ADGRL3: variants seen among roughly 807,000 people sequenced by gnomAD.
ADGRL3 encodes the protein adhesion G protein-coupled receptor L3, also known as calcium-independent alpha-latrotoxin receptor 3.
ADGRL3 carries 62 observed loss-of-function variants against 153.5 expected under a neutral mutation model. That is an observed-to-expected ratio of 0.40 (90% CI 0.33 to 0.50). The LOEUF is 0.50. ADGRL3 is among the 20% of genes least tolerant of loss of function. The pLI is 0.47. For missense variants in ADGRL3, 1,641 were observed against 1,859.4 expected (o/e 0.88, Z 2.16); for synonymous variants, 710 against 672.5 (o/e 1.06, Z -0.86).
intron 5 of ADGRL3, among the ~76,000 whole-genome samples, chr4:61,655,477 G>A (rs1431705702): frequency 6.6e-6 from 1 of 152,012 alleles, no homozygotes; most frequent in Non-Finnish European, 1.5e-5. Flanking sequence ...TCAGTCATCA[G>A]TATTAACTAT....
chr4:61,938,678 C>G (rs1298767357), intron 15 of ADGRL3, among the ~76,000 whole-genome samples: 1 of 151,966 alleles, frequency 6.6e-6, no homozygotes, highest in Admixed American at 6.6e-5. Context: ...TTCTTTGTGT[C>G]ACTAGCTCCT....
At chr4:61,741,112 A>C (rs1471043135) in intron 8 of ADGRL3, among the ~76,000 whole-genome samples, 1 of 152,218 alleles carries the variant, frequency 6.6e-6, no homozygotes, top group East Asian at 1.9e-4. Context: ...ATGACAGCTG[A>C]GTAATGTGAG....
chr4:61,861,169 A>AG (rs1377982325), intron 9 of ADGRL3, among the ~76,000 whole-genome samples: 2 of 152,204 alleles, frequency 1.3e-5, no homozygotes, highest in East Asian at 3.9e-4. Context: ...AGCTGAGAGT[A>AG]GGGGTGTATA....
At chr4:61,484,696 C>T (rs1188929685) in intron 2 of ADGRL3, among the ~76,000 whole-genome samples, 1 of 152,040 alleles carries the variant, frequency 6.6e-6, no homozygotes, top group Non-Finnish European at 1.5e-5. Context: ...AAGTTATATG[C>T]ATTTTAAGTG....
chr4:61,945,919 G>A (rs900136721), intron 15 of ADGRL3, among the ~76,000 whole-genome samples: 2 of 152,172 alleles, frequency 1.3e-5, no homozygotes, highest in African/African-American at 4.8e-5. Flanking sequence ...GCTGGGAGCT[G>A]TAGACTGGAG....
At chr4:61,801,853 A>G (rs1390819236) in intron 8 of ADGRL3, among the ~76,000 whole-genome samples, 3 of 152,140 alleles carry the variant, frequency 2.0e-5, no homozygotes, top group Non-Finnish European at 4.4e-5. Flanking sequence ...AGTAATGAAT[A>G]TGCTCCTTAA....
chr4:61,636,784 A>G (rs2093441451), intron 5 of ADGRL3, among the ~76,000 whole-genome samples: 1 of 151,076 alleles, frequency 6.6e-6, no homozygotes, highest in South Asian at 2.1e-4. Flanking sequence ...AGGCAAATAC[A>G]TATAGGATGT....
intron 4 of ADGRL3, among the ~76,000 whole-genome samples, chr4:61,529,392 A>G (rs2098598120): frequency 6.6e-6 from 1 of 152,162 alleles, no homozygotes; most frequent in Non-Finnish European, 1.5e-5. Context: ...TAGTTAGGCT[A>G]ACCATATGTT....
intron 2 of ADGRL3, among the ~76,000 whole-genome samples, chr4:61,442,758 G>C (rs2097541108): frequency 6.6e-6 from 1 of 152,058 alleles, no homozygotes; most frequent in African/African-American, 2.4e-5. Context: ...TAAATACTTA[G>C]GGTAATATCT....
intron 2 of ADGRL3, among the ~76,000 whole-genome samples, chr4:61,422,922 G>C (rs1432039184): frequency 6.6e-6 from 1 of 151,974 alleles, no homozygotes; most frequent in Non-Finnish European, 1.5e-5. Context: ...ATGTTATATA[G>C]ATGACTGAAA....
chr4:61,481,706 GATAAA>G (rs534515610), intron 2 of ADGRL3, among the ~76,000 whole-genome samples: 160 of 150,978 alleles, frequency 1.1e-3, no homozygotes, highest in Admixed American at 4.3e-3. Flanking sequence ...ACATTTTAAT[GATAAA>G]ATAAGATATA....
At chr4:61,542,171 C>A (rs17090503) in intron 4 of ADGRL3, among the ~76,000 whole-genome samples, 2,513 of 152,128 alleles carry the variant, frequency 0.017, 74 homozygotes, top group African/African-American at 0.057. Context: ...TAAAAGGAAC[C>A]TTTGGGATCA....
At chr4:61,486,014 G>A (rs2098188857) in intron 2 of ADGRL3, among the ~76,000 whole-genome samples, 2 of 151,978 alleles carry the variant, frequency 1.3e-5, no homozygotes, top group Admixed American at 1.3e-4. Flanking sequence ...CACAATCTTG[G>A]CTCACTGCAA....
chr4:62,022,791 GA>G (rs75968256), intron 21 of ADGRL3, among the ~76,000 whole-genome samples: 31,265 of 141,432 alleles, frequency 0.22, 3,671 homozygotes, highest in South Asian at 0.42. Context: ...CTACTGCTCA[GA>G]AAAAAAAAAA....
intron 9 of ADGRL3, among the ~76,000 whole-genome samples, chr4:61,861,118 A>T (rs2098336000): frequency 6.6e-6 from 1 of 152,196 alleles, no homozygotes; most frequent in South Asian, 2.1e-4. Flanking sequence ...CTTGTTTATT[A>T]AGAAAACCAA....
intron 2 of ADGRL3, among the ~76,000 whole-genome samples, chr4:61,463,151 C>T (rs2097843706): frequency 6.6e-6 from 1 of 152,112 alleles, no homozygotes; most frequent in African/African-American, 2.4e-5. Flanking sequence ...CTGCAATAGT[C>T]AGACATAGTT....
At position 62,070,549 on chromosome 4, in the gene ADGRL3, C is replaced by A; in HGVS notation, c.4273C>A (p.Pro1425Thr). The A allele has an allele frequency of 6.4e-7, 1 of 1,550,606 alleles. No homozygotes were observed. Among genetic ancestry groups the A allele is most frequent in the Non-Finnish European group, 8.7e-7 (1 of 1,146,826 alleles). The change falls in exon 27 of 27, where the codon CCC (proline) becomes ACC (threonine). Residue 1425 changes from proline to threonine, a missense_variant. Pro to Thr is a conservative substitution (Grantham distance 38, BLOSUM62 -1). Transcript: ENST00000683033. ...QPHHYTRRRI[P>T]QDHSESFFPL... ...ACACCATTATACCAGAAGGCGGATCCCCCAAGACCACAGTGAGAGCTTTTT... is the reference window on the plus strand; with the variant it reads ...ACACCATTATACCAGAAGGCGGATCACCCAAGACCACAGTGAGAGCTTTTT...
intron 6 of ADGRL3, among the ~76,000 whole-genome samples, chr4:61,717,201 TGTGTGTGTGTGTGTGTGTGC>T (rs1340973937): frequency 2.0e-5 from 2 of 98,846 alleles, no homozygotes; most frequent in Non-Finnish European, 3.7e-5. Context: ...AGTTTATGTG[TGTGTGTGTGTGTGTGTGTGC>T]GTGTGTGTGT....
At chr4:61,372,125 A>G (rs2096539664) in intron 1 of ADGRL3, among the ~76,000 whole-genome samples, 1 of 151,958 alleles carries the variant, frequency 6.6e-6, no homozygotes, top group Admixed American at 6.5e-5. Context: ...CTAGTTATAC[A>G]TTCTTCTAAA....
Sources: allele counts gnomAD v4.1 joint callset (sites outside exome capture counted in the v4.1 genomes callset), GRCh38; gene constraint gnomAD v4.1.1; transcripts MANE v1.5; gene names NCBI Gene and HGNC (gene_info 2026-07-23, HGNC 2026-07-21).